Variants in CACNA1C observed in about 807,000 individuals in gnomAD.
CACNA1C encodes calcium voltage-gated channel subunit alpha1 C.
Under a neutral mutation model 229.0 loss-of-function variants are expected in CACNA1C, and 30 were observed. The observed-to-expected ratio is 0.13, with a 90% CI of 0.10 to 0.18. The LOEUF (loss-of-function observed/expected upper bound fraction) is 0.18. CACNA1C is among the 10% of genes least tolerant of loss of function. The pLI is 1.00. For missense variants in CACNA1C, 1,658 were observed against 2,845.0 expected, an observed-to-expected ratio of 0.58 and a Z score of 9.49; for synonymous variants, 1,114 against 1,132.5, an observed-to-expected ratio of 0.98 and a Z score of 0.33.
chr12:2,180,119 G>A (rs1223568513), intron 3 of CACNA1C, among the ~76,000 whole-genome samples: 2 of 152,236 alleles, frequency 1.3e-5, no homozygotes, highest in Non-Finnish European at 2.9e-5. Context: ...CCCCAACAGT[G>A]TCTGTTGTAA....
intron 3 of CACNA1C, among the ~76,000 whole-genome samples, chr12:2,267,913 C>T (rs1292806422): frequency 2.0e-5 from 3 of 152,188 alleles, no homozygotes; most frequent in Admixed American, 1.3e-4. Flanking sequence ...TCGGAGCACC[C>T]GCCAAACATC....
chr12:2,483,362 A>G (rs2154570107), intron 5 of CACNA1C, among the ~76,000 whole-genome samples: 1 of 152,330 alleles, frequency 6.6e-6, no homozygotes, highest in East Asian at 1.9e-4. Context: ...TTTTAAGTGT[A>G]GCTTGAAGAC....
In CACNA1C at chr12:2,633,880, G is replaced by A. The variant is rs1282727285; in HGVS notation, c.3829-417G>A. Among the ~76,000 whole-genome samples the A allele has an allele frequency of 6.6e-6, 1 of 151,958 alleles. No individual in the cohort carries two copies. On this transcript the variant is annotated intron_variant, in intron 29 of 46. Transcript: ENST00000399655. This position sits in a 1 kb window ranked among gnomAD's most constrained non-coding sequence, Gnocchi z 5.8. The stretch of plus-strand genomic sequence containing the variant: ...TTTATTGAACCTGCCGTCGTCCTGT[G>A]GGGGAAAAAAAGTGGGAGCTTCTCC...
intron 3 of CACNA1C, among the ~76,000 whole-genome samples, chr12:2,329,189 C>T (rs899149591): frequency 1.3e-5 from 2 of 152,182 alleles, no homozygotes; most frequent in African/African-American, 2.4e-5. Flanking sequence ...GGTCTAATGA[C>T]TGCATTTCAG....
intron 13 of CACNA1C, among the ~76,000 whole-genome samples, chr12:2,572,190 C>T (rs973355240): frequency 2.0e-5 from 3 of 152,014 alleles, no homozygotes; most frequent in Non-Finnish European, 2.9e-5. Context: ...GTCCAATGAC[C>T]GACCTCACTT....
chr12:2,484,076 A>G (rs1385293205), intron 5 of CACNA1C, among the ~76,000 whole-genome samples: 1 of 152,262 alleles, frequency 6.6e-6, no homozygotes, highest in Admixed American at 6.5e-5. Flanking sequence ...CACAAAACTC[A>G]GCCTAATGTG....
At position 2,018,575 on chromosome 12, in the gene CACNA1C, G is replaced by A. The variant is rs142460701; in HGVS notation, c.139+47374G>A. Among the ~76,000 whole-genome samples the A allele has an allele frequency of 7.1e-3, 1,075 of 152,286 alleles. 10 individuals are homozygous for A. The highest frequency in any genetic ancestry group is 0.024 in the African/African-American group (1,010 of 41,560). ...AAAGCTGAAGTTTATGGCTGTGGAC[G>A]AGCGCTTCCTCCATCAGCTGAGATG... On this transcript the variant is annotated intron_variant, in intron 1 of 46. Transcript: ENST00000682462.
intron 3 of CACNA1C, among the ~76,000 whole-genome samples, chr12:2,388,717 TG>T (rs1277180246): frequency 5.3e-5 from 8 of 151,946 alleles, no homozygotes; most frequent in Non-Finnish European, 1.2e-4. Context: ...TCTTTGGGTT[TG>T]TGGAGTTGAC....
chr12:2,631,698 C>T (rs1202941280), intron 29 of CACNA1C, among the ~76,000 whole-genome samples: 1 of 152,210 alleles, frequency 6.6e-6, no homozygotes, highest in African/African-American at 2.4e-5. Context: ...ACAAGAAAGC[C>T]CTGATTTGAA....
intron 3 of CACNA1C, among the ~76,000 whole-genome samples, chr12:2,262,355 C>T (rs1482796556): frequency 2.0e-5 from 3 of 152,236 alleles, no homozygotes; most frequent in Non-Finnish European, 2.9e-5. Context: ...ACTTAGCCAC[C>T]TATTAAACAC....
At chr12:2,588,545 G>T (rs2063606299) in intron 18 of CACNA1C, among the ~76,000 whole-genome samples, 1 of 152,204 alleles carries the variant, frequency 6.6e-6, no homozygotes, top group Admixed American at 6.5e-5. Flanking sequence ...AGTGCACTCT[G>T]CTGGCTGCAG....
At chr12:2,377,330 C>G (rs552454506) in intron 3 of CACNA1C, among the ~76,000 whole-genome samples, 1 of 152,052 alleles carries the variant, frequency 6.6e-6, no homozygotes, top group Non-Finnish European at 1.5e-5. Context: ...GTTGTCATGC[C>G]GAAGCCCAGG....
At chr12:2,684,553 C>T (rs2097343698) in intron 43 of CACNA1C, among the ~76,000 whole-genome samples, 1 of 152,146 alleles carries the variant, frequency 6.6e-6, no homozygotes, top group Admixed American at 6.5e-5. Flanking sequence ...ACCCAGTCTC[C>T]ATCCTCAAGG....
At chr12:2,090,710 A>G (rs1377920238) in intron 1 of CACNA1C, among the ~76,000 whole-genome samples, 1 of 152,182 alleles carries the variant, frequency 6.6e-6, no homozygotes, top group Non-Finnish European at 1.5e-5. Context: ...TGGGCATGCA[A>G]ATATCTCTTG....
intron 3 of CACNA1C, among the ~76,000 whole-genome samples, chr12:2,277,825 G>T (rs192626703): frequency 2.0e-5 from 3 of 152,314 alleles, no homozygotes; most frequent in African/African-American, 7.2e-5. Flanking sequence ...CTGCTTTATT[G>T]CATGTTAATA....
chr12:2,561,212 C>T (rs970956625), intron 11 of CACNA1C, among the ~76,000 whole-genome samples: 1 of 152,164 alleles, frequency 6.6e-6, no homozygotes, highest in Non-Finnish European at 1.5e-5. Context: ...GTGAGCTCCG[C>T]GGAGAGGCAG....
chr12:2,355,621 G>C (rs899869380), intron 3 of CACNA1C, among the ~76,000 whole-genome samples: 3 of 152,142 alleles, frequency 2.0e-5, no homozygotes, highest in Non-Finnish European at 4.4e-5. Context: ...CCTGTTTCTT[G>C]GCCCACCTGA....
At chr12:2,495,312 C>G (rs2099744481) in intron 7 of CACNA1C, among the ~76,000 whole-genome samples, 1 of 152,224 alleles carries the variant, frequency 6.6e-6, no homozygotes, top group Non-Finnish European at 1.5e-5. Flanking sequence ...CTTCTGCCAA[C>G]AGGCAGTTTC....
chr12:2,219,325 T>C (rs1229963580), intron 3 of CACNA1C, among the ~76,000 whole-genome samples: 1 of 152,200 alleles, frequency 6.6e-6, no homozygotes, highest in Non-Finnish European at 1.5e-5. Context: ...CCTGTTACTT[T>C]TTAGTGTGAG....
Sources: allele counts gnomAD v4.1 joint callset (sites outside exome capture counted in the v4.1 genomes callset), GRCh38; gene constraint gnomAD v4.1.1; non-coding constraint Gnocchi (gnomAD v3.1); transcripts MANE v1.5; gene names NCBI Gene and HGNC (gene_info 2026-07-23, HGNC 2026-07-21).